Variants in WDR20 observed in about 807,000 individuals in gnomAD.
WDR20 encodes the protein WD repeat domain 20, also known as WD repeat-containing protein 20.
Under a neutral mutation model 38.7 loss-of-function variants are expected in WDR20, and 3 were observed. That is an observed-to-expected ratio of 0.08 (90% CI 0.04 to 0.20). The LOEUF is 0.20. Ranked by LOEUF, WDR20 falls within the 10% of genes least tolerant of loss-of-function variation. The probability of loss-of-function intolerance (pLI) is 1.00; values close to 1 mark genes in which losing one functional copy is unlikely to be tolerated. For missense variants in WDR20, 559 were observed against 727.7 expected (o/e 0.77, Z 2.67); for synonymous variants, 298 against 285.6 (o/e 1.04, Z -0.44).
At chr14:102,199,675 G>A (rs1278066862) in intron 2 of WDR20, among the ~76,000 whole-genome samples, 1 of 152,132 alleles carries the variant, frequency 6.6e-6, no homozygotes, top group African/African-American at 2.4e-5. Context: ...CTCCTTTCTG[G>A]TGCCTGGTAC....
At chr14:102,173,433 A>AATTATTATT (rs59078063) in intron 1 of WDR20, among the ~76,000 whole-genome samples, 1 of 138,882 alleles carries the variant, frequency 7.2e-6, no homozygotes, top group Non-Finnish European at 1.5e-5. Flanking sequence ...CTTTTTTTAA[A>AATTATTATT]ATTATTATTA....
chr14:102,193,365 C>T (rs1198480148), intron 1 of WDR20: 6 of 1,309,382 alleles, frequency 4.6e-6, no homozygotes, highest in Admixed American at 1.8e-5. Flanking sequence ...CCGCTTTTCT[C>T]CTCGCTCCAG....
At chr14:102,159,215 G>A (rs987021069) in intron 1 of WDR20, among the ~76,000 whole-genome samples, 4 of 152,002 alleles carry the variant, frequency 2.6e-5, no homozygotes, top group African/African-American at 9.7e-5. Flanking sequence ...GTGCTGGGAT[G>A]ACAGGCATGA....
At chr14:102,211,776 G>A (rs867403593), downstream of WDR20, among the ~76,000 whole-genome samples, 4 of 152,186 alleles carry the variant, frequency 2.6e-5, no homozygotes, top group Non-Finnish European at 5.9e-5. The surrounding 1 kb of genome is among the most constrained non-coding windows in gnomAD (Gnocchi z 4.2). Flanking sequence ...AGTTGTAAAC[G>A]TTCAGTTTCA....
At chr14:102,211,163 A>G (rs979824270), downstream of WDR20, among the ~76,000 whole-genome samples, 1 of 152,158 alleles carries the variant, frequency 6.6e-6, no homozygotes, top group African/African-American at 2.4e-5. The surrounding 1 kb of genome is among the most constrained non-coding windows in gnomAD (Gnocchi z 4.2). Flanking sequence ...CCCTTGAACT[A>G]TGTATTCCAT....
Position 102,210,185 on chromosome 14 carries a change from T to C in WDR20, c.*305T>C, listed in dbSNP as rs1333307495. 2 of 1,075,538 alleles carry C rather than the reference T, an allele frequency of 1.9e-6. No homozygotes were observed. Among genetic ancestry groups the C allele is most frequent in the South Asian group, 4.0e-5 (1 of 25,008 alleles). The allele number at this position is 1,075,538 out of a possible 1,614,324, so 66.6% of individuals were successfully genotyped here. A position where few individuals can be genotyped will look rare whatever the true frequency, so the allele number is the denominator to read the frequency against. On this transcript the variant is annotated 3_prime_UTR_variant, in exon 3 of 3. Coordinates refer to ENST00000342702, the MANE Select transcript of WDR20 (RefSeq NM_144574.4). ...TTCAATTTTAGGAAAATCATGACCA[T>C]GTGGGGAAACAATGACTTTAAAATG...
intron 2 of WDR20, among the ~76,000 whole-genome samples, chr14:102,201,590 T>G (rs2060387409): frequency 6.6e-6 from 1 of 152,182 alleles, no homozygotes; most frequent in African/African-American, 2.4e-5. Flanking sequence ...ACGGTCTGTT[T>G]GGCCTGCAGA....
At chr14:102,211,953 C>T (rs78136413), downstream of WDR20, among the ~76,000 whole-genome samples, 589 of 152,224 alleles carry the variant, frequency 3.9e-3, 6 homozygotes, top group African/African-American at 0.014. The surrounding 1 kb of genome is among the most constrained non-coding windows in gnomAD (Gnocchi z 4.2). Flanking sequence ...GGTGTGTGCC[C>T]GAGTAACCAA....
At position 102,149,327 on chromosome 14, in the gene WDR20, G is replaced by A. The variant is rs761277921; in HGVS notation, c.249+9155G>A. 2.4e-4 allele frequency among the ~76,000 whole-genome samples: 37 copies of A among 151,722 alleles called. 1 individual carries two copies. The highest frequency in any genetic ancestry group is 1.8e-3 in the Admixed American group (27 of 15,254). On this transcript the variant is annotated intron_variant, in intron 1 of 2. Transcript: ENST00000342702. ...ATTACAGATGTGAGCCATTGTTCCC[G>A]GCTGATTTTGTATTTATCATTATAA...
chr14:102,174,229 A>G (rs985825644), intron 1 of WDR20, among the ~76,000 whole-genome samples: 3 of 151,972 alleles, frequency 2.0e-5, no homozygotes, highest in Non-Finnish European at 4.4e-5. Context: ...TTTTTCATGT[A>G]ATGACTTCTT....
intron 2 of WDR20, among the ~76,000 whole-genome samples, chr14:102,198,903 G>C (rs1296152301): frequency 2.6e-5 from 4 of 152,186 alleles, no homozygotes; most frequent in Non-Finnish European, 5.9e-5. Flanking sequence ...TGCTAAGTTC[G>C]AGAGACCTGT....
intron 1 of WDR20, among the ~76,000 whole-genome samples, chr14:102,155,816 C>T (rs981018705): frequency 1.3e-5 from 2 of 151,624 alleles, no homozygotes; most frequent in Admixed American, 1.3e-4. Context: ...CTCCCTGTCA[C>T]CCAGGCTGGA....
downstream of WDR20, chr14:102,212,614 G>T (rs760816931): frequency 2.6e-4 from 395 of 1,535,498 alleles, no homozygotes; most frequent in Non-Finnish European, 3.3e-4. Context: ...GAGGGCACTG[G>T]AGAGAGGGGC....
chr14:102,167,381 AT>A (rs2059966003), intron 1 of WDR20: 1 of 152,028 alleles, frequency 6.6e-6, no homozygotes. Context: ...CACTCGGCTA[AT>A]TTTTTTCTTT....
intron 1 of WDR20, among the ~76,000 whole-genome samples, chr14:102,179,939 G>C (rs1034120620): frequency 6.6e-6 from 1 of 152,130 alleles, no homozygotes. Flanking sequence ...GATCACTTGA[G>C]GTCAGGAGTT....
intron 1 of WDR20, among the ~76,000 whole-genome samples, chr14:102,161,206 C>T (rs1429275267): frequency 4.0e-5 from 5 of 125,076 alleles, no homozygotes; most frequent in African/African-American, 1.6e-4. Context: ...GCTAGAGTGC[C>T]GTGGCACAAT....
Position 102,223,118 on chromosome 14 carries a change from T to C in WDR20, c.*235T>C, listed in dbSNP as rs554284626. 4.5e-5 allele frequency: 19 copies of C among 418,266 alleles called. No homozygotes were observed. In the East Asian group the frequency reaches 6.9e-4, roughly 15 times the overall value. The allele number at this position is 418,266 out of a possible 1,614,324, so 25.9% of individuals were successfully genotyped here. A position where few individuals can be genotyped will look rare whatever the true frequency, so the allele number is the denominator to read the frequency against. ...TGGGGCTGCAGTAAAAAATAAGAAATGGAGTTTTCTTGCTTTTTACTCTAA... is the reference window on the plus strand; with the variant it reads ...TGGGGCTGCAGTAAAAAATAAGAAACGGAGTTTTCTTGCTTTTTACTCTAA... On this transcript the variant is annotated 3_prime_UTR_variant, in exon 4 of 4. Coordinates refer to the WDR20 transcript ENST00000335263.
At chr14:102,192,212 C>T (rs1342236733) in intron 1 of WDR20, among the ~76,000 whole-genome samples, 1 of 151,062 alleles carries the variant, frequency 6.6e-6, no homozygotes, top group Admixed American at 6.6e-5. Flanking sequence ...CAGAGTCTCG[C>T]TCTGTCACCC....
chr14:102,186,333 TGA>T (rs1381567504), intron 1 of WDR20, among the ~76,000 whole-genome samples: 1 of 152,148 alleles, frequency 6.6e-6, no homozygotes, highest in Non-Finnish European at 1.5e-5. Context: ...GATTGTTACT[TGA>T]GCGTTAAACT....
Sources: gnomAD v4.1 joint callset for allele counts (sites outside exome capture counted in the v4.1 genomes callset) on GRCh38, gnomAD v4.1.1 for gene constraint, Gnocchi (gnomAD v3.1) non-coding constraint, MANE v1.5 for transcripts, NCBI Gene and HGNC (gene_info 2026-07-23, HGNC 2026-07-21) for gene names.